The following UNC5D variants were observed in gnomAD, a reference collection of about 807,000 sequenced individuals.
UNC5D encodes unc-5 netrin receptor D, also known as netrin receptor UNC5D.
In UNC5D, 39 loss-of-function variants were observed where a neutral mutation model predicts 105.4. The observed-to-expected ratio is 0.37, with a 90% confidence interval of 0.29 to 0.48. The LOEUF is 0.48. Ranked by LOEUF, UNC5D falls within the 20% of genes least tolerant of loss-of-function variation. The pLI is 0.98. For synonymous variants in UNC5D, 452 were observed against 450.4 expected (o/e 1.00, Z -0.04); for missense variants, 991 against 1,202.4 (o/e 0.82, Z 2.60).
chr8:35,600,278 T>C (rs1819776960), intron 4 of UNC5D, among the ~76,000 whole-genome samples: 1 of 152,230 alleles, frequency 6.6e-6, no homozygotes, highest in Admixed American at 6.5e-5. Flanking sequence ...CACATGTGTC[T>C]TTATAGCAGA....
At chr8:35,744,922 A>T (rs946977941) in intron 11 of UNC5D, among the ~76,000 whole-genome samples, 1 of 152,034 alleles carries the variant, frequency 6.6e-6, no homozygotes. Flanking sequence ...GCATGGTAGT[A>T]TGTGCCTATA....
chr8:35,507,465 C>A (rs1336728005), intron 1 of UNC5D, among the ~76,000 whole-genome samples: 2 of 152,102 alleles, frequency 1.3e-5, no homozygotes, highest in African/African-American at 4.8e-5. Flanking sequence ...AGAATCACTT[C>A]ATGGCAAAGG....
intron 8 of UNC5D, among the ~76,000 whole-genome samples, chr8:35,715,968 T>C (rs1224265651): frequency 2.0e-5 from 3 of 152,030 alleles, no homozygotes; most frequent in East Asian, 1.9e-4. Context: ...AAAGCACAAT[T>C]TGGCCATAGA....
At chr8:35,604,317 G>A (rs1425580153) in intron 4 of UNC5D, among the ~76,000 whole-genome samples, 1 of 152,114 alleles carries the variant, frequency 6.6e-6, no homozygotes, top group Non-Finnish European at 1.5e-5. Flanking sequence ...TAGTTTGGCT[G>A]GATATGAAAT....
At chr8:35,533,402 G>A (rs1454942365) in intron 1 of UNC5D, among the ~76,000 whole-genome samples, 19 of 152,150 alleles carry the variant, frequency 1.2e-4, no homozygotes, top group African/African-American at 3.6e-4. Flanking sequence ...CAGTCTGCCA[G>A]TTCTCAGATC....
At chr8:35,265,105 G>A (rs930492222) in intron 1 of UNC5D, among the ~76,000 whole-genome samples, 17 of 152,130 alleles carry the variant, frequency 1.1e-4, no homozygotes, top group African/African-American at 2.7e-4. Flanking sequence ...AACAGTCAAA[G>A]CAGGTTTAAC....
At chr8:35,624,768 C>A (rs1423180001) in intron 4 of UNC5D, among the ~76,000 whole-genome samples, 4 of 152,050 alleles carry the variant, frequency 2.6e-5, no homozygotes, top group East Asian at 3.9e-4. Flanking sequence ...GAAACTTAAC[C>A]GGGGGCGTCT....
At chr8:35,528,503 ACATACGTGTG>A (rs1157323370) in intron 1 of UNC5D, among the ~76,000 whole-genome samples, 1 of 146,442 alleles carries the variant, frequency 6.8e-6, no homozygotes, top group Non-Finnish European at 1.5e-5. Context: ...GCCGCAATAA[ACATACGTGTG>A]CATGTGTCTT....
chr8:35,307,975 A>C (rs1808555777), intron 1 of UNC5D, among the ~76,000 whole-genome samples: 1 of 152,242 alleles, frequency 6.6e-6, no homozygotes. Flanking sequence ...GGCCTGTGAT[A>C]ATCGACTTCT....
At chr8:35,627,479 A>G (rs1436850666) in intron 4 of UNC5D, among the ~76,000 whole-genome samples, 2 of 152,200 alleles carry the variant, frequency 1.3e-5, no homozygotes, top group African/African-American at 2.4e-5. Flanking sequence ...AATAATTTAT[A>G]GTATGTTGGT....
chr8:35,503,902 C>T (rs1172319388), intron 1 of UNC5D, among the ~76,000 whole-genome samples: 4 of 152,094 alleles, frequency 2.6e-5, no homozygotes, highest in South Asian at 2.1e-4. Context: ...GCTGAGTGCC[C>T]GGCACAGTGC....
At chr8:35,718,694 G>A (rs1828397750) in intron 8 of UNC5D, among the ~76,000 whole-genome samples, 1 of 152,172 alleles carries the variant, frequency 6.6e-6, no homozygotes, top group East Asian at 1.9e-4. Context: ...TTGTTCAGAA[G>A]ACCATAGGGC....
chr8:35,739,712 T>C (rs148003537), intron 11 of UNC5D, among the ~76,000 whole-genome samples: 60 of 152,324 alleles, frequency 3.9e-4, no homozygotes, highest in South Asian at 6.2e-4. Flanking sequence ...TTATTTTTAT[T>C]TGTATGTGCC....
At position 35,249,559 on chromosome 8, in the gene UNC5D, A is replaced by AAATAATAATAAT. The variant is rs148177480; in HGVS notation, c.103+13705_103+13716dup. 5.5e-4 allele frequency among the ~76,000 whole-genome samples: 78 copies of AAATAATAATAAT among 142,632 alleles called. 1 individual carries two copies. Among genetic ancestry groups the AAATAATAATAAT allele is most frequent in the African/African-American group, 7.7e-4 (30 of 39,004 alleles). 93.6% of individuals were successfully genotyped at this position (142,632 alleles called of 152,430 possible). On this transcript the variant is annotated intron_variant, in intron 1 of 16. Coordinates refer to ENST00000404895, the MANE Select transcript of UNC5D (RefSeq NM_080872.4). ...GGCAATGGAGGGAAACTCTGTCTCA[A>AAATAATAATAAT]AATAATAATAATAATAATAATAATA...
chr8:35,748,799 G>A, intron 12 of UNC5D, 104 bp downstream of exon 12: 1 of 1,351,210 alleles, frequency 7.4e-7, no homozygotes, highest in Non-Finnish European at 1.0e-6. Flanking sequence ...TTCGTTGTTG[G>A]CAAAGGGTTG....
intron 4 of UNC5D, among the ~76,000 whole-genome samples, chr8:35,619,685 A>G (rs1821234795): frequency 6.6e-6 from 1 of 152,194 alleles, no homozygotes; most frequent in Non-Finnish European, 1.5e-5. Context: ...CATTGTTGGA[A>G]CTAACTTTTT....
chr8:35,492,982 A>G (rs926290128), intron 1 of UNC5D, among the ~76,000 whole-genome samples: 2 of 152,130 alleles, frequency 1.3e-5, no homozygotes, highest in African/African-American at 2.4e-5. Context: ...TGGTTATCCC[A>G]TGAAATTCCT....
chr8:35,456,147 A>G (rs533727250), intron 1 of UNC5D, among the ~76,000 whole-genome samples: 14 of 152,322 alleles, frequency 9.2e-5, no homozygotes, highest in Non-Finnish European at 1.8e-4. Flanking sequence ...GATTCTCTGG[A>G]AAGAGTTTCA....
At chr8:35,605,129 A>G (rs1415882314) in intron 4 of UNC5D, among the ~76,000 whole-genome samples, 3 of 152,088 alleles carry the variant, frequency 2.0e-5, no homozygotes, top group Non-Finnish European at 4.4e-5. Flanking sequence ...TCTGCTTTTT[A>G]GAGTTTCCGG....
Sources: allele counts gnomAD v4.1 joint callset (sites outside exome capture counted in the v4.1 genomes callset), GRCh38; gene constraint gnomAD v4.1.1; transcripts MANE v1.5; gene names NCBI Gene and HGNC (gene_info 2026-07-23, HGNC 2026-07-21).